Variants in CELA2A observed in about 807,000 individuals in gnomAD.
The protein encoded by CELA2A is chymotrypsin like elastase 2A.
In CELA2A, 31 loss-of-function variants were observed where a neutral mutation model predicts 35.3. The ratio of observed to expected loss-of-function variants is 0.88; its 90% CI spans 0.66 to 1.19. The LOEUF (loss-of-function observed/expected upper bound fraction) is 1.19. CELA2A is among the 50% of genes most tolerant of loss of function. CELA2A has a pLI of 0.00. For missense variants in CELA2A, 330 were observed against 352.9 expected, an observed-to-expected ratio of 0.94 and a Z score of 0.52; for synonymous variants, 150 against 149.8, an observed-to-expected ratio of 1.00 and a Z score of -0.01.
intron 7 of CELA2A, among the ~76,000 whole-genome samples, chr1:15,470,524 G>T (rs1232004390): frequency 6.6e-6 from 1 of 152,140 alleles, no homozygotes; most frequent in Non-Finnish European, 1.5e-5. Flanking sequence ...AGGTAAAAAA[G>T]TAAGAAGTCC....
At chr1:15,457,330 G>A (rs1030880774) in intron 2 of CELA2A, 156 bp downstream of exon 2, 26 of 720,360 alleles carry the variant, frequency 3.6e-5, no homozygotes, top group East Asian at 3.6e-4. Flanking sequence ...ATATATTTCC[G>A]GCTGGGCGCA....
chr1:15,457,006 G>T, intron 1 of CELA2A, 80 bp from the exon 2 acceptor site: 1 of 1,416,358 alleles, frequency 7.1e-7, no homozygotes. Flanking sequence ...TTCTATTTGG[G>T]GGGTCAGAAT....
At position 15,456,918 on chromosome 1, in the gene CELA2A, C is replaced by A. The variant is rs1708368354; in HGVS notation, c.40+125C>A. The A allele has an allele frequency of 3.7e-6, 5 of 1,363,416 alleles. No individual in the cohort carries two copies. In the South Asian group the frequency reaches 3.8e-5, roughly 10 times the overall value. 84.5% of individuals were successfully genotyped at this position (1,363,416 alleles called of 1,614,324 possible). ...GCATTCAGACCTATAATCATAAGAA[C>A]ATTGGAATGGAGTTTCAAAGAATTG... On this transcript the variant is annotated intron_variant, in intron 1 of 7. Transcript: ENST00000359621.
Position 15,467,537 on chromosome 1 carries a change from C to A in CELA2A, c.791C>A (p.Ser264Ter). 9 of 1,613,990 alleles carry A rather than the reference C, an allele frequency of 5.6e-6. No homozygotes were observed. The highest frequency in any genetic ancestry group is 7.6e-6 in the Non-Finnish European group (9 of 1,179,958). The change falls in exon 7 of 8, where the codon TCG (serine) becomes TAG (stop). Residue 264 changes from serine (S) to a stop codon, truncating the protein, a stop_gained and splice_region_variant. Coordinates refer to ENST00000359621, the MANE Select transcript of CELA2A (RefSeq NM_033440.3). LOFTEE classifies it high-confidence loss of function. ...TCCAATTACATCGACTGGATCAATT[C>A]GGTAAGAACCGGACCAGCCCTGAGC... ...RVSNYIDWIN[S>*]VIANN
intron 4 of CELA2A, chr1:15,463,062 C>A (rs972705326): frequency 1.0e-5 from 9 of 861,754 alleles, no homozygotes; most frequent in Non-Finnish European, 1.6e-5. Flanking sequence ...GAAGCAAAGA[C>A]TGCCAGAGCG....
intron 7 of CELA2A, among the ~76,000 whole-genome samples, chr1:15,468,038 GCCAAAA>G (rs1708545930): frequency 6.9e-6 from 1 of 144,222 alleles, no homozygotes; most frequent in Admixed American, 7.4e-5. Flanking sequence ...GTTGCAGTGA[GCCAAAA>G]TTGCACCATT....
chr1:15,459,341 T>TC (rs1312336874), intron 2 of CELA2A, among the ~76,000 whole-genome samples: 1 of 100,594 alleles, frequency 9.9e-6, no homozygotes, highest in Non-Finnish European at 2.4e-5. Context: ...TTTCTTTTTT[T>TC]TTTTTTAGAG....
chr1:15,466,100 A>G lies in CELA2A; in HGVS notation c.595A>G (p.Ser199Gly). 1 of 1,614,128 alleles carries G rather than the reference A, an allele frequency of 6.2e-7. No homozygotes were observed. The highest frequency in any genetic ancestry group is 8.5e-7 in the Non-Finnish European group (1 of 1,180,030). The stretch of plus-strand genomic sequence containing the variant: ...CTGGTGGGGCAGCAGCGTGAAAACC[A>G]GTATGATCTGTGCTGGGGGTGATGG... ...SAWWGSSVKT[S>G]MICAGGDGVI... Residue 199 changes from serine to glycine, a missense_variant, in exon 6 of 8, where the codon AGT (serine) becomes GGT (glycine). Physicochemically the swap from Ser to Gly is moderately conservative, Grantham distance 56. Coordinates refer to ENST00000359621, the MANE Select transcript of CELA2A (RefSeq NM_033440.3).
intron 2 of CELA2A, chr1:15,457,483 G>A (rs1036323803): frequency 1.8e-5 from 5 of 274,272 alleles, no homozygotes; most frequent in African/African-American, 6.6e-5. Context: ...GGTGGCACAC[G>A]CCTGTAATCC....
chr1:15,465,899 G>A, intron 5 of CELA2A, 100 bp from the exon 6 acceptor site: 1 of 1,406,342 alleles, frequency 7.1e-7, no homozygotes, highest in Admixed American at 1.7e-5. Context: ...ATGTTGCAAT[G>A]GATGGAAGAC....
At position 15,466,125 on chromosome 1, in the gene CELA2A, G is replaced by A; in HGVS notation, c.620G>A (p.Gly207Asp). The A allele has an allele frequency of 1.2e-6, 2 of 1,614,032 alleles. No homozygotes were observed. Among genetic ancestry groups the A allele is most frequent in the Non-Finnish European group, 1.7e-6 (2 of 1,179,976 alleles). ...AGTATGATCTGTGCTGGGGGTGATGGCGTGATCTCCAGCTGCAACGTGAGT... is the reference window on the plus strand; with the variant it reads ...AGTATGATCTGTGCTGGGGGTGATGACGTGATCTCCAGCTGCAACGTGAGT... ...KTSMICAGGD[G>D]VISSCNGDSG... The change falls in exon 6 of 8, where the codon GGC becomes GAC. Residue 207 changes from glycine (G) to aspartate (D), a missense_variant. Gly to Asp is a moderately conservative substitution (Grantham distance 94). Transcript: ENST00000359621.
chr1:15,465,554 G>A (rs920131448), intron 5 of CELA2A, among the ~76,000 whole-genome samples: 3 of 152,156 alleles, frequency 2.0e-5, no homozygotes, highest in African/African-American at 4.8e-5. Context: ...CAAAAAAAGG[G>A]AAATTGTTAT....
At chr1:15,467,658 C>G in intron 7 of CELA2A, 120 bp downstream of exon 7, 1 of 1,292,662 alleles carries the variant, frequency 7.7e-7, no homozygotes, top group Non-Finnish European at 1.1e-6. Flanking sequence ...GATGGGAACC[C>G]CTTGGAGGAG....
At chr1:15,463,633 G>A in intron 5 of CELA2A, 111 bp downstream of exon 5, 2 of 1,539,482 alleles carry the variant, frequency 1.3e-6, no homozygotes, top group Non-Finnish European at 1.8e-6. Flanking sequence ...GGCTGCCTTG[G>A]AGAGACGGGA....
chr1:15,468,137 G>T (rs556707814), intron 7 of CELA2A, among the ~76,000 whole-genome samples: 67 of 149,788 alleles, frequency 4.5e-4, no homozygotes, highest in African/African-American at 1.6e-3. Context: ...TAGAAATGGT[G>T]ATTTTATTTT....
intron 2 of CELA2A, chr1:15,457,501 T>C: frequency 4.2e-6 from 1 of 237,548 alleles, no homozygotes; most frequent in Non-Finnish European, 8.3e-6. Context: ...TCCCAGCAAC[T>C]GGGGAGGCTT....
At chr1:15,471,740 C>G (rs1708596680) in intron 7 of CELA2A, among the ~76,000 whole-genome samples, 1 of 152,068 alleles carries the variant, frequency 6.6e-6, no homozygotes, top group African/African-American at 2.4e-5. Context: ...TCGAAGGCCC[C>G]CTACCCTGAA....
chr1:15,456,764 C>T lies in CELA2A; in HGVS notation c.11C>T (p.Thr4Met), dbSNP rs1227939841. The T allele has an allele frequency of 1.1e-5, 18 of 1,614,082 alleles. No homozygotes were observed. Among genetic ancestry groups the T allele is most frequent in the Middle Eastern group, 1.6e-4 (1 of 6,084 alleles). The change falls in exon 1 of 8, where the codon ACG becomes ATG. Residue 4 changes from threonine (T) to methionine (M), a missense_variant. Coordinates refer to ENST00000359621, the MANE Select transcript of CELA2A (RefSeq NM_033440.3). ...TCCCACGGACACACCATGATAAGGACGCTGCTGCTGTCCACTTTGGTGGCT... is the reference window on the plus strand; with the variant it reads ...TCCCACGGACACACCATGATAAGGATGCTGCTGCTGTCCACTTTGGTGGCT... The part of the protein sequence containing the change: MIR[T>M]LLLSTLVAGA...
At chr1:15,462,341 A>G in intron 3 of CELA2A, 1 of 402,238 alleles carries the variant, frequency 2.5e-6, no homozygotes, top group Non-Finnish European at 5.0e-6. Flanking sequence ...GTTTCTCACT[A>G]ACGGTGGGAC....
Sources: allele counts gnomAD v4.1 joint callset (sites outside exome capture counted in the v4.1 genomes callset), GRCh38; gene constraint gnomAD v4.1.1; transcripts MANE v1.5; gene names NCBI Gene and HGNC (gene_info 2026-07-23, HGNC 2026-07-21).